The following NUBP1 variants were observed in gnomAD, a reference collection of about 807,000 sequenced individuals.
The protein encoded by NUBP1 is cytosolic Fe-S cluster assembly factor NUBP1.
Under a neutral mutation model 41.8 loss-of-function variants are expected in NUBP1, and 46 were observed. The observed-to-expected ratio is 1.10, with a 90% confidence interval of 0.87 to 1.41. The LOEUF (loss-of-function observed/expected upper bound fraction) is 1.41, where lower values mean the gene tolerates loss of function less well. NUBP1 is among the 40% of genes most tolerant of loss of function. The pLI is 0.00. For missense variants in NUBP1, 494 were observed against 414.0 expected (o/e 1.19, Z -1.68); for synonymous variants, 189 against 154.6 (o/e 1.22, Z -1.65).
At position 10,767,939 on chromosome 16, in the gene NUBP1, C is replaced by G. The variant is rs1555476751; in HGVS notation, c.821-10C>G. 2 of 1,613,766 alleles carry G rather than the reference C, an allele frequency of 1.2e-6. No homozygotes were observed. Among genetic ancestry groups the G allele is most frequent in the African/African-American group, 1.3e-5 (1 of 74,902 alleles). ...GGACTGAATTGTCTTCCGTTTGTTT[C>G]TTTTTTAAGGTAAGAATTGTGACAA... is the stretch of plus-strand genomic sequence containing the variant. On this transcript the variant is annotated splice_polypyrimidine_tract_variant and intron_variant, in intron 9 of 10. Coordinates refer to ENST00000283027, the MANE Select transcript of NUBP1 (RefSeq NM_002484.4). The surrounding 1 kb of genome is among the most constrained non-coding windows in gnomAD (Gnocchi z 4.6).
chr16:10,750,228 CT>C (rs910986576), intron 3 of NUBP1, among the ~76,000 whole-genome samples: 11 of 152,102 alleles, frequency 7.2e-5, no homozygotes, highest in African/African-American at 2.7e-4. Context: ...AAGTCACCAA[CT>C]TCCATAAATT....
At position 10,757,483 on chromosome 16, in the gene NUBP1, G is replaced by A. The variant is rs1900636333; in HGVS notation, c.452-390G>A. On this transcript the variant is annotated intron_variant, in intron 6 of 10. Transcript: ENST00000283027. This position sits in a 1 kb window ranked among gnomAD's most constrained non-coding sequence, Gnocchi z 4.1. Reference sequence around the variant, plus strand: ...TGAGCCAGATAAGTCTTTGTTGGGGGGAGGAGTAGACCGTGTTCTACACCA... The same window carrying A: ...TGAGCCAGATAAGTCTTTGTTGGGGAGAGGAGTAGACCGTGTTCTACACCA... Among the ~76,000 whole-genome samples, 1 of 151,218 alleles carries A rather than the reference G, an allele frequency of 6.6e-6. No individual in the cohort carries two copies. The highest frequency in any genetic ancestry group is 6.6e-5 in the Admixed American group (1 of 15,182).
chr16:10,765,284 A>G lies in NUBP1; in HGVS notation c.821-2665A>G, dbSNP rs990151759. On this transcript the variant is annotated intron_variant, in intron 9 of 10. Coordinates refer to ENST00000283027, the MANE Select transcript of NUBP1 (RefSeq NM_002484.4). The surrounding 1 kb of genome is among the most constrained non-coding windows in gnomAD (Gnocchi z 4.0). ...AAATACACACACACACACACACACA[A>G]CCATGCTCTAGCCTGGGTAACACAG... is the stretch of plus-strand genomic sequence containing the variant. 1.4e-5 allele frequency: 2 copies of G among 146,192 alleles called. No individual in the cohort carries two copies. The highest frequency in any genetic ancestry group is 1.4e-4 in the Admixed American group (2 of 14,488). The allele number at this position is 146,192 out of a possible 1,614,324, so 9.1% of individuals were successfully genotyped here.
chr16:10,762,912 C>CTG (rs1208360704), intron 9 of NUBP1, among the ~76,000 whole-genome samples: 1 of 149,094 alleles, frequency 6.7e-6, no homozygotes, highest in Admixed American at 6.7e-5. Flanking sequence ...GAATGGGAGC[C>CTG]TGTGGGAAAC....
At position 10,743,914 on chromosome 16, in the gene NUBP1, G is replaced by A. The variant is rs779064070; in HGVS notation, c.19+32G>A. ...TCGCGGAGGGGGCGTGGGTCGCGGG[G>A]CGAAAGTGTCGGGAGCTGCTCTAAC... On this transcript the variant is annotated intron_variant, in intron 1 of 10. Coordinates refer to ENST00000283027, the MANE Select transcript of NUBP1 (RefSeq NM_002484.4). The A allele has an allele frequency of 2.0e-5, 31 of 1,576,750 alleles. No homozygotes were observed. In the East Asian group the frequency reaches 2.1e-4, roughly 11 times the overall value.
chr16:10,768,121 G>T lies in NUBP1; in HGVS notation c.904+89G>T. ...AGGGGTGTGGAAGGACAGGTGGGTG[G>T]TGGGGTCTGTGATGACCACAGAGTG... On this transcript the variant is annotated intron_variant, in intron 10 of 10. Transcript: ENST00000283027. This position sits in a 1 kb window ranked among gnomAD's most constrained non-coding sequence, Gnocchi z 4.3. 7.9e-7 allele frequency: 1 copy of T among 1,270,108 alleles called. No individual in the cohort carries two copies. The allele number at this position is 1,270,108 out of a possible 1,614,324, so 78.7% of individuals were successfully genotyped here. A position where few individuals can be genotyped will look rare whatever the true frequency, so the allele number is the denominator to read the frequency against.
rs939837291 is a variant in NUBP1, at chr16:10,769,176, C to T, written c.*71C>T. 15 of 1,424,676 alleles carry T rather than the reference C, an allele frequency of 1.1e-5. No homozygotes were observed. Among genetic ancestry groups the T allele is most frequent in the East Asian group, 2.3e-5 (1 of 43,672 alleles). 88.3% of individuals were successfully genotyped at this position (1,424,676 alleles called of 1,614,324 possible). ...ACTGGGCAGCACATCCAGCCAGACC[C>T]GACCAGCTCCGGGATGGGGTGGGTC... On this transcript the variant is annotated 3_prime_UTR_variant, in exon 11 of 11. Transcript: ENST00000283027.
At chr16:10,756,568 C>G in intron 5 of NUBP1, 122 bp from the exon 6 acceptor site, 1 of 577,328 alleles carries the variant, frequency 1.7e-6, no homozygotes, top group Non-Finnish European at 2.9e-6. Context: ...TCATAGGTCA[C>G]ATGGTAGTTT....
intron 9 of NUBP1, among the ~76,000 whole-genome samples, chr16:10,764,627 T>C (rs2030577043): frequency 6.6e-6 from 1 of 151,276 alleles, no homozygotes; most frequent in South Asian, 2.1e-4. Context: ...GTCAGTCTAT[T>C]GGAGCATCTC....
chr16:10,746,569 C>G, intron 2 of NUBP1, among the ~76,000 whole-genome samples: 1 of 152,166 alleles, frequency 6.6e-6, no homozygotes, highest in South Asian at 2.1e-4. Flanking sequence ...AGAGAAACAC[C>G]GTCTCTATTA....
rs556528701 is a variant in NUBP1 at position 10,757,971 on chromosome 16, G to A, written c.550G>A (p.Val184Ile). Reference sequence around the variant, plus strand: ...GACGTCGGATGAACACCTCTCGGTCGTCCGGTACCTGGCCACAGCACACAT... The same window carrying A: ...GACGTCGGATGAACACCTCTCGGTCATCCGGTACCTGGCCACAGCACACAT... ...PGTSDEHLSV[V>I]RYLATAHIDG... The change falls in exon 7 of 11, where the codon GTC (valine) becomes ATC (isoleucine). Residue 184 changes from valine (V) to isoleucine (I), a missense_variant. Coordinates refer to ENST00000283027, the MANE Select transcript of NUBP1 (RefSeq NM_002484.4). The surrounding 1 kb of genome is among the most constrained non-coding windows in gnomAD (Gnocchi z 4.1). 661 of 1,614,070 alleles carry A rather than the reference G, an allele frequency of 4.1e-4. 6 individuals carry two copies. The South Asian group carries it at 6.0e-3, about 15-fold the overall frequency.
rs1360948104 is a variant in NUBP1, at chr16:10,762,402, A to G, written c.820+543A>G. On this transcript the variant is annotated intron_variant, in intron 9 of 10. Transcript: ENST00000283027. ...TCTCCCAGGATCCCAAGAGATGCCC[A>G]CTCCCTGAGTGGCCCTGAGGCTGAA... 2.6e-5 allele frequency among the ~76,000 whole-genome samples: 4 copies of G among 151,990 alleles called. 1 individual carries two copies. The South Asian group carries it at 6.2e-4, about 24-fold the overall frequency.
intron 8 of NUBP1, 131 bp from the exon 9 acceptor site, chr16:10,761,626 G>C (rs1484982531): frequency 4.0e-5 from 38 of 944,536 alleles, no homozygotes; most frequent in Non-Finnish European, 5.4e-5. Context: ...CTAAAGGAAA[G>C]TTCTTTAGGT....
Position 10,768,905 on chromosome 16 carries a change from G to C in NUBP1, c.905-142G>C, listed in dbSNP as rs148820675. ...TATTCCGGTCACTTTCAAAGACTCA[G>C]GGCATCACAGACACAGGTCTTTTTA... is the stretch of plus-strand genomic sequence containing the variant. On this transcript the variant is annotated intron_variant, in intron 10 of 10. Coordinates refer to ENST00000283027, the MANE Select transcript of NUBP1 (RefSeq NM_002484.4). This position sits in a 1 kb window ranked among gnomAD's most constrained non-coding sequence, Gnocchi z 4.3. The C allele has an allele frequency of 2.7e-4, 188 of 700,098 alleles. No homozygotes were observed. In the African/African-American group the frequency reaches 2.9e-3, roughly 11 times the overall value. The allele number at this position is 700,098 out of a possible 1,614,324, so 43.4% of individuals were successfully genotyped here. A position where few individuals can be genotyped will look rare whatever the true frequency, so the allele number is the denominator to read the frequency against.
chr16:10,757,439 C>G lies in NUBP1; in HGVS notation c.452-434C>G, dbSNP rs1394991735. Reference sequence around the variant, plus strand: ...AAGTGTTATCAGGGCAAGCTTTAGCCTCAGCACTATTGATATTTTGAGCCA... The same window carrying G: ...AAGTGTTATCAGGGCAAGCTTTAGCGTCAGCACTATTGATATTTTGAGCCA... On this transcript the variant is annotated intron_variant, in intron 6 of 10. Transcript: ENST00000283027. The surrounding 1 kb of genome is among the most constrained non-coding windows in gnomAD (Gnocchi z 4.1). Among the ~76,000 whole-genome samples, 1 of 152,126 alleles carries G rather than the reference C, an allele frequency of 6.6e-6. No homozygotes were observed. The highest frequency in any genetic ancestry group is 6.6e-5 in the Admixed American group (1 of 15,256).
chr16:10,750,040 TA>T (rs61490971), intron 3 of NUBP1, among the ~76,000 whole-genome samples: 1 of 151,712 alleles, frequency 6.6e-6, no homozygotes. Flanking sequence ...ACATAAAACA[TA>T]AAAAAAGTTA....
In NUBP1 at chr16:10,761,411, G is replaced by T; in HGVS notation, c.654G>T (p.Lys218Asn). 1 of 1,614,156 alleles carries T rather than the reference G, an allele frequency of 6.2e-7. No individual in the cohort carries two copies. Among genetic ancestry groups the T allele is most frequent in the Non-Finnish European group, 8.5e-7 (1 of 1,180,018 alleles). Residue 218 changes from lysine to asparagine, a missense_variant, in exon 8 of 11, where the codon AAG becomes AAT. By Grantham distance (94) the Lys-to-Asn change is moderately conservative. Coordinates refer to ENST00000283027, the MANE Select transcript of NUBP1 (RefSeq NM_002484.4). Reference sequence around the variant, plus strand: ...GGAAAGAAATCAACTTCTGCCGCAAGGTGAAGCTGCCCATCATCGGGGTGG... The same window carrying T: ...GGAAAGAAATCAACTTCTGCCGCAATGTGAAGCTGCCCATCATCGGGGTGG... ...DVRKEINFCR[K>N]VKLPIIGVVE...
rs368045442 is a variant in NUBP1 at position 10,757,946 on chromosome 16, G to A, written c.525G>A (p.Gly175=). ...ACCTCATTGTGGACACCCCACCTGG[G>A]ACGTCGGATGAACACCTCTCGGTCG... ...VDYLIVDTPP[G]TSDEHLSVVR... The change falls in exon 7 of 11, where the codon GGG becomes GGA. Residue 175 remains glycine (G), a synonymous_variant. Transcript: ENST00000283027. The surrounding 1 kb of genome is among the most constrained non-coding windows in gnomAD (Gnocchi z 4.1). 1.2e-6 allele frequency: 2 copies of A among 1,614,114 alleles called. No individual in the cohort carries two copies. Among genetic ancestry groups the A allele is most frequent in the Non-Finnish European group, 8.5e-7 (1 of 1,180,022 alleles).
chr16:10,758,169 A>G (rs1596458916), intron 7 of NUBP1, 142 bp downstream of exon 7: 16 of 953,054 alleles, frequency 1.7e-5, no homozygotes, highest in Non-Finnish European at 2.3e-5. Flanking sequence ...GGGTCTGCAG[A>G]AACCTCGTGT....
Sources: allele counts gnomAD v4.1 joint callset (sites outside exome capture counted in the v4.1 genomes callset), GRCh38; gene constraint gnomAD v4.1.1; non-coding constraint Gnocchi (gnomAD v3.1); transcripts MANE v1.5; gene names NCBI Gene and HGNC (gene_info 2026-07-23, HGNC 2026-07-21).